The following TNFRSF11A variants were observed in gnomAD, a reference collection of about 807,000 sequenced individuals.
TNFRSF11A encodes the protein TNF receptor superfamily member 11a, also known as tumor necrosis factor receptor superfamily member 11A.
TNFRSF11A carries 32 observed loss-of-function variants against 55.7 expected under a neutral mutation model. The ratio of observed to expected loss-of-function variants is 0.57; its 90% CI spans 0.43 to 0.77. TNFRSF11A has a LOEUF of 0.77. Among genes scored for constraint, TNFRSF11A ranks in the 30% least tolerant of loss-of-function variants. TNFRSF11A has a pLI of 0.00. For missense variants in TNFRSF11A, 753 were observed against 809.8 expected (o/e 0.93, Z 0.85); for synonymous variants, 311 against 331.0 (o/e 0.94, Z 0.65).
At chr18:62,329,123 G>GA (rs143689678) in intron 1 of TNFRSF11A, among the ~76,000 whole-genome samples, 378 of 150,792 alleles carry the variant, frequency 2.5e-3, no homozygotes, top group African/African-American at 8.4e-3. Context: ...GAAGTTCATG[G>GA]AAAAAAAAAT....
At chr18:62,341,837 T>G (rs556167739) in intron 1 of TNFRSF11A, among the ~76,000 whole-genome samples, 2 of 4,872 alleles carry the variant, frequency 4.1e-4, no homozygotes, top group Non-Finnish European at 1.0e-3. Flanking sequence ...TGAGAATGGC[T>G]TTTTTTTTTT....
At chr18:62,335,129 A>ATTT (rs11289576) in intron 1 of TNFRSF11A, among the ~76,000 whole-genome samples, 23 of 140,708 alleles carry the variant, frequency 1.6e-4, no homozygotes, top group Non-Finnish European at 2.3e-4. Context: ...TGGGGTCGGA[A>ATTT]TTTTTTTTTT....
chr18:62,367,155 T>A lies in TNFRSF11A; in HGVS notation c.783+395T>A, dbSNP rs534343586. ...AGGAGCCACCGCGCCCGGCCTCAGC[T>A]CCTTTGCTTACAGGGCATTTCCAGG... On this transcript the variant is annotated intron_variant, in intron 8 of 9. Coordinates refer to ENST00000586569, the MANE Select transcript of TNFRSF11A (RefSeq NM_003839.4). Among the ~76,000 whole-genome samples, 5 of 152,316 alleles carry A rather than the reference T, an allele frequency of 3.3e-5. No individual in the cohort carries two copies. In the East Asian group the frequency reaches 9.6e-4, roughly 29 times the overall value.
chr18:62,384,022 C>A (rs1472108412), intron 9 of TNFRSF11A, among the ~76,000 whole-genome samples: 3 of 151,626 alleles, frequency 2.0e-5, no homozygotes, highest in African/African-American at 7.3e-5. Context: ...GGTCTCCTTC[C>A]TTAGCTGTGC....
At chr18:62,363,459 C>T (rs1354135311) in intron 7 of TNFRSF11A, among the ~76,000 whole-genome samples, 1 of 149,312 alleles carries the variant, frequency 6.7e-6, no homozygotes, top group Admixed American at 6.8e-5. Flanking sequence ...ACCTCCGCCT[C>T]CTGGGTTGCA....
rs1208424675 is a variant in TNFRSF11A, at chr18:62,366,722, T to C, written c.745T>C (p.Trp249Arg). 6.2e-7 allele frequency: 1 copy of C among 1,614,228 alleles called. No individual in the cohort carries two copies. Among genetic ancestry groups the C allele is most frequent in the Non-Finnish European group, 8.5e-7 (1 of 1,180,026 alleles). ...GTGTTTTCTAGCTAATTTGTGGCAC[T>C]GGATCAATGAGGCTTGTGGCCGCCT... ...GKALTANLWHWINEACGRLSG... is the reference protein window; with the variant it reads ...GKALTANLWHRINEACGRLSG... Residue 249 changes from tryptophan to arginine, a missense_variant, in exon 8 of 10, where the codon TGG becomes CGG. Coordinates refer to ENST00000586569, the MANE Select transcript of TNFRSF11A (RefSeq NM_003839.4).
intron 9 of TNFRSF11A, among the ~76,000 whole-genome samples, chr18:62,382,502 A>G (rs1401304817): frequency 6.6e-6 from 1 of 152,124 alleles, no homozygotes; most frequent in South Asian, 2.1e-4. Flanking sequence ...TTTGAGAGCA[A>G]AATCCTTCTG....
chr18:62,337,452 T>G (rs1309848920), intron 1 of TNFRSF11A, among the ~76,000 whole-genome samples: 1 of 152,172 alleles, frequency 6.6e-6, no homozygotes, highest in East Asian at 1.9e-4. Flanking sequence ...TGCGTATAAA[T>G]TAGTAATCAG....
intron 1 of TNFRSF11A, among the ~76,000 whole-genome samples, chr18:62,334,077 G>C (rs1011347534): frequency 3.3e-5 from 5 of 152,114 alleles, no homozygotes. Flanking sequence ...TGTTGGCCAG[G>C]CTGGTCTTGA....
intron 9 of TNFRSF11A, among the ~76,000 whole-genome samples, chr18:62,369,909 G>T (rs998778515): frequency 6.6e-6 from 1 of 152,222 alleles, no homozygotes; most frequent in African/African-American, 2.4e-5. Flanking sequence ...TCTCCCCCAA[G>T]AAAGCACTTA....
chr18:62,361,830 A>G, intron 7 of TNFRSF11A, 37 bp downstream of exon 7: 1 of 1,542,406 alleles, frequency 6.5e-7, no homozygotes, highest in South Asian at 1.1e-5. Flanking sequence ...AACCAATCTT[A>G]AAAGATAGAT....
chr18:62,347,751 A>G (rs2046404741), intron 1 of TNFRSF11A, among the ~76,000 whole-genome samples: 1 of 152,116 alleles, frequency 6.6e-6, no homozygotes, highest in Non-Finnish European at 1.5e-5. Context: ...CGTCTCTACT[A>G]AAAATACAAA....
At chr18:62,376,945 C>T (rs541593312) in intron 9 of TNFRSF11A, among the ~76,000 whole-genome samples, 39 of 152,230 alleles carry the variant, frequency 2.6e-4, no homozygotes, top group African/African-American at 9.1e-4. Flanking sequence ...GACGGAGTCT[C>T]ATTCTGTCAC....
chr18:62,368,957 A>T lies in TNFRSF11A; in HGVS notation c.1040A>T (p.Asp347Val), dbSNP rs1910305102. 1 of 1,614,234 alleles carries T rather than the reference A, an allele frequency of 6.2e-7. No homozygotes were observed. Among genetic ancestry groups the T allele is most frequent in the Non-Finnish European group, 8.5e-7 (1 of 1,180,048 alleles). ...AGCTTCAGACAGATGCCCACAGAAGATGAATACATGGACAGGCCCTCCCAG... is the reference window on the plus strand; with the variant it reads ...AGCTTCAGACAGATGCCCACAGAAGTTGAATACATGGACAGGCCCTCCCAG... Reference protein sequence around the residue: ...EDSFRQMPTEDEYMDRPSQPT... With the variant: ...EDSFRQMPTEVEYMDRPSQPT... Residue 347 changes from aspartate (D) to valine (V), a missense_variant, in exon 9 of 10, where the codon GAT becomes GTT. This residue lies in a region of TNFRSF11A where 567 missense variants were observed against 596.7 expected (regional missense o/e 0.95). Transcript: ENST00000586569.
chr18:62,383,821 A>G lies in TNFRSF11A; in HGVS notation c.1568-930A>G, dbSNP rs1322296012. Among the ~76,000 whole-genome samples the G allele has an allele frequency of 6.6e-6, 1 of 151,374 alleles. No homozygotes were observed. The highest frequency in any genetic ancestry group is 2.4e-5 in the African/African-American group (1 of 41,208). The stretch of plus-strand genomic sequence containing the variant: ...GTGATTTATAGGACTTTTTTTTTCT[A>G]TTTTAGTTTTGTGAATCTGTTTTGT... On this transcript the variant is annotated intron_variant, in intron 9 of 9. Transcript: ENST00000586569. The surrounding 1 kb of genome is among the most constrained non-coding windows in gnomAD (Gnocchi z 4.2).
intron 1 of TNFRSF11A, among the ~76,000 whole-genome samples, chr18:62,346,947 T>G (rs956934105): frequency 4.6e-5 from 7 of 152,190 alleles, no homozygotes; most frequent in African/African-American, 1.4e-4. Context: ...TCATTGCCCC[T>G]GTTTGAACTG....
intron 9 of TNFRSF11A, among the ~76,000 whole-genome samples, chr18:62,376,154 G>A (rs576218918): frequency 6.6e-6 from 1 of 152,304 alleles, no homozygotes; most frequent in South Asian, 2.1e-4. Flanking sequence ...GATGCACAGT[G>A]CGTGATGGTC....
Position 62,366,842 on chromosome 18 carries a change from A to ACC in TNFRSF11A, c.783+90_783+91dup, listed in dbSNP as rs34939126. On this transcript the variant is annotated intron_variant, in intron 8 of 9. Coordinates refer to ENST00000586569, the MANE Select transcript of TNFRSF11A (RefSeq NM_003839.4). ...GAGCCATCCTAGTCACATATTGAGC[A>ACC]CCCCCCCCCACCCCCACTTTTTTTG... 1.0e-3 allele frequency: 1,197 copies of ACC among 1,186,230 alleles called. 2 individuals carry two copies. Among genetic ancestry groups the ACC allele is most frequent in the Non-Finnish European group, 1.2e-3 (992 of 809,860 alleles). The allele number at this position is 1,186,230 out of a possible 1,614,324, so 73.5% of individuals were successfully genotyped here.
chr18:62,349,198 A>G (rs2046429390), intron 2 of TNFRSF11A, among the ~76,000 whole-genome samples: 2 of 137,788 alleles, frequency 1.5e-5, no homozygotes, highest in Non-Finnish European at 1.5e-5. Context: ...TCTTTTTGAG[A>G]TGGGGTCTTG....
Sources: gnomAD v4.1 joint callset for allele counts (sites outside exome capture counted in the v4.1 genomes callset) on GRCh38, gnomAD v4.1.1 for gene constraint, gnomAD v4.1.1 regional missense constraint, Gnocchi (gnomAD v3.1) non-coding constraint, MANE v1.5 for transcripts, NCBI Gene and HGNC (gene_info 2026-07-23, HGNC 2026-07-21) for gene names.